GULP1: variants seen among roughly 807,000 people sequenced by gnomAD.
GULP1 encodes GULP PTB domain containing engulfment adaptor 1, also known as PTB domain-containing engulfment adapter protein 1.
GULP1 carries 19 observed loss-of-function variants against 40.9 expected under a neutral mutation model. The observed-to-expected ratio is 0.46, with a 90% CI of 0.32 to 0.68. The LOEUF (loss-of-function observed/expected upper bound fraction) is 0.68, where lower values mean the gene tolerates loss of function less well. Among genes scored for constraint, GULP1 ranks in the 30% least tolerant of loss-of-function variants. The probability of loss-of-function intolerance (pLI) is 0.03; values close to 1 mark genes in which losing one functional copy is unlikely to be tolerated. For missense variants in GULP1, 312 were observed against 362.2 expected (o/e 0.86, Z 1.12); for synonymous variants, 119 against 117.6 (o/e 1.01, Z -0.08).
chr2:188,438,555 T>A (rs1348576162), intron 2 of GULP1, among the ~76,000 whole-genome samples: 1 of 151,538 alleles, frequency 6.6e-6, no homozygotes, highest in African/African-American at 2.4e-5. Context: ...AATTTTGTTT[T>A]TTTCTGTCAT....
intron 2 of GULP1, among the ~76,000 whole-genome samples, chr2:188,417,217 G>A (rs2054703555): frequency 1.3e-5 from 2 of 152,212 alleles, no homozygotes; most frequent in Admixed American, 1.3e-4. Context: ...AGGACATGAT[G>A]TGGCTGCATC....
At position 188,464,174 on chromosome 2, in the gene GULP1, T is replaced by C. The variant is rs75411172; in HGVS notation, c.-44-13485T>C. Among the ~76,000 whole-genome samples, 67 of 152,302 alleles carry C rather than the reference T, an allele frequency of 4.4e-4. 2 individuals are homozygous for C. In the East Asian group the frequency reaches 6.8e-3, roughly 15 times the overall value. ...CCTTCTTGGGCAGGCTTTCCAGATA[T>C]TCAAAATGACTTAGTTGTTGTGATT... On this transcript the variant is annotated intron_variant, in intron 2 of 11. Coordinates refer to ENST00000409830, the MANE Select transcript of GULP1 (RefSeq NM_016315.4).
intron 2 of GULP1, among the ~76,000 whole-genome samples, chr2:188,391,439 T>G (rs2152551274): frequency 6.6e-6 from 1 of 152,268 alleles, no homozygotes; most frequent in African/African-American, 2.4e-5. Flanking sequence ...GCAGTGCTAC[T>G]GATTTGTGTA....
intron 1 of GULP1, among the ~76,000 whole-genome samples, chr2:188,304,372 T>C (rs1282173296): frequency 6.6e-6 from 1 of 152,194 alleles, no homozygotes; most frequent in Non-Finnish European, 1.5e-5. Flanking sequence ...AATGGATTTT[T>C]CGAACCAGAG....
chr2:188,464,183 A>T (rs1289446676), intron 2 of GULP1, among the ~76,000 whole-genome samples: 1 of 152,108 alleles, frequency 6.6e-6, no homozygotes, highest in South Asian at 2.1e-4. Flanking sequence ...ATTCAAAATG[A>T]CTTAGTTGTT....
chr2:188,519,858 G>A (rs2065560444), intron 4 of GULP1, among the ~76,000 whole-genome samples: 1 of 151,958 alleles, frequency 6.6e-6, no homozygotes, highest in African/African-American at 2.4e-5. Context: ...TGCTCAGGCT[G>A]CCCTCAAACT....
At chr2:188,446,172 A>T (rs1559250241) in intron 2 of GULP1, among the ~76,000 whole-genome samples, 1 of 152,132 alleles carries the variant, frequency 6.6e-6, no homozygotes. Flanking sequence ...ATAAAATGAG[A>T]TATTCTTCTA....
At chr2:188,478,783 C>G (rs2061228386) in intron 3 of GULP1, among the ~76,000 whole-genome samples, 1 of 152,066 alleles carries the variant, frequency 6.6e-6, no homozygotes, top group African/African-American at 2.4e-5. Context: ...GGCTCTGTGT[C>G]ATTTTCTAAT....
intron 4 of GULP1, among the ~76,000 whole-genome samples, chr2:188,507,031 C>T (rs892077704): frequency 1.3e-5 from 2 of 151,850 alleles, no homozygotes; most frequent in Non-Finnish European, 2.9e-5. Flanking sequence ...TGCATTTGCC[C>T]TAGGCTTTTG....
chr2:188,548,849 TTTTGTTTTG>T (rs1202503273), intron 7 of GULP1, among the ~76,000 whole-genome samples: 1 of 151,172 alleles, frequency 6.6e-6, no homozygotes, highest in East Asian at 1.9e-4. Context: ...TTTTGTTTTG[TTTTGTTTTG>T]TTTTATTTTG....
At chr2:188,390,049 A>C (rs78144366) in intron 2 of GULP1, among the ~76,000 whole-genome samples, 1 of 151,912 alleles carries the variant, frequency 6.6e-6, no homozygotes, top group South Asian at 2.1e-4. Context: ...AGTTGCTTCC[A>C]TATCTTTGCC....
intron 2 of GULP1, among the ~76,000 whole-genome samples, chr2:188,469,490 G>A (rs943651369): frequency 6.6e-6 from 1 of 152,146 alleles, no homozygotes; most frequent in African/African-American, 2.4e-5. Flanking sequence ...TGTACAGGAA[G>A]CATAGTGGTT....
chr2:188,566,288 A>G (rs1697636792), intron 7 of GULP1, among the ~76,000 whole-genome samples: 1 of 152,142 alleles, frequency 6.6e-6, no homozygotes, highest in Admixed American at 6.6e-5. Flanking sequence ...TTGTGGGGTA[A>G]TAATAATCCT....
intron 1 of GULP1, among the ~76,000 whole-genome samples, chr2:188,371,655 C>T (rs549327036): frequency 6.6e-6 from 1 of 152,110 alleles, no homozygotes; most frequent in East Asian, 1.9e-4. Flanking sequence ...CAGAAGCTTA[C>T]CTAATTAGTA....
At chr2:188,588,903 A>G (rs1049039476) in intron 11 of GULP1, 4 of 152,100 alleles carry the variant, frequency 2.6e-5, no homozygotes, top group African/African-American at 4.8e-5. Flanking sequence ...CTGTGTAGCT[A>G]TCTTATTTTC....
At chr2:188,587,975 T>C in intron 11 of GULP1, 26 bp downstream of exon 11, 5 of 1,093,620 alleles carry the variant, frequency 4.6e-6, no homozygotes, top group Non-Finnish European at 7.1e-6. Context: ...GACTGGCCCA[T>C]AAATGATTTA....
intron 2 of GULP1, among the ~76,000 whole-genome samples, chr2:188,447,274 A>ATT (rs2152899491): frequency 6.6e-6 from 1 of 152,266 alleles, no homozygotes; most frequent in East Asian, 1.9e-4. Flanking sequence ...TATTAGACTT[A>ATT]AAGAGTCATT....
chr2:188,582,162 A>G (rs552565938), intron 9 of GULP1, among the ~76,000 whole-genome samples: 1 of 152,332 alleles, frequency 6.6e-6, no homozygotes, highest in African/African-American at 2.4e-5. Context: ...TCCAGAATCT[A>G]AGGACTATCA....
At chr2:188,301,898 C>T (rs1180855163) in intron 1 of GULP1, among the ~76,000 whole-genome samples, 1 of 152,080 alleles carries the variant, frequency 6.6e-6, no homozygotes, top group African/African-American at 2.4e-5. Context: ...AATATAAAAC[C>T]TTGGGTACTT....
Sources: gnomAD v4.1 joint callset for allele counts (sites outside exome capture counted in the v4.1 genomes callset) on GRCh38, gnomAD v4.1.1 for gene constraint, MANE v1.5 for transcripts, NCBI Gene and HGNC (gene_info 2026-07-23, HGNC 2026-07-21) for gene names.